Variants in TLL1 observed in about 807,000 individuals in gnomAD.
The protein encoded by TLL1 is tolloid like 1, also known as tolloid-like protein 1.
In TLL1, 49 loss-of-function variants were observed where a neutral mutation model predicts 128.2. The observed-to-expected ratio is 0.38, with a 90% confidence interval of 0.30 to 0.48. TLL1 has a LOEUF of 0.48. Ranked by LOEUF, TLL1 falls within the 20% of genes least tolerant of loss-of-function variation. The pLI, the probability that TLL1 is intolerant of heterozygous loss-of-function variation, is 0.96. For missense variants in TLL1, 1,123 were observed against 1,242.0 expected, an observed-to-expected ratio of 0.90 and a Z score of 1.44; for synonymous variants, 454 against 418.8, an observed-to-expected ratio of 1.08 and a Z score of -1.03.
At position 166,080,679 on chromosome 4, in the gene TLL1, G is replaced by A. The variant is rs192181716; in HGVS notation, c.2442+2649G>A. On this transcript the variant is annotated intron_variant, in intron 18 of 20. Transcript: ENST00000061240. The stretch of plus-strand genomic sequence containing the variant: ...ATGCATCTCTTGTGTTAGGTTATTA[G>A]TGTATTTATGTGTATGAAGGAGGGT... Among the ~76,000 whole-genome samples, 313 of 152,232 alleles carry A rather than the reference G, an allele frequency of 2.1e-3. 5 individuals are homozygous for A. The highest frequency in any genetic ancestry group is 6.9e-4 in the Non-Finnish European group (47 of 68,020).
intron 1 of TLL1, among the ~76,000 whole-genome samples, chr4:165,897,179 T>G (rs1488508760): frequency 2.6e-5 from 4 of 152,196 alleles, no homozygotes; most frequent in Non-Finnish European, 5.9e-5. Context: ...TCTCCCATTC[T>G]GTAGGTTGCC....
chr4:166,091,167 G>T lies in TLL1; in HGVS notation c.2482G>T (p.Ala828Ser). 6.2e-7 allele frequency: 1 copy of T among 1,613,030 alleles called. No individual in the cohort carries two copies. The change falls in exon 19 of 21, where the codon GCT becomes TCT. Residue 828 changes from alanine (A) to serine (S), a missense_variant. Physicochemically the swap from Ala to Ser is moderately conservative, Grantham distance 99. This residue lies in a region of TLL1 where 634 missense variants were observed against 672.4 expected (regional missense o/e 0.94). Coordinates refer to ENST00000061240, the MANE Select transcript of TLL1 (RefSeq NM_012464.5). The stretch of plus-strand genomic sequence containing the variant: ...TGAGATTGAGCAGCATCAAGAATGT[G>T]CTTATGACCACTTAGAAGTATTTGA... Reference protein sequence around the residue: ...EFEIEQHQECAYDHLEVFDGE... With the variant: ...EFEIEQHQECSYDHLEVFDGE...
At chr4:165,912,744 C>CT (rs1491232477) in intron 1 of TLL1, among the ~76,000 whole-genome samples, 1 of 152,098 alleles carries the variant, frequency 6.6e-6, no homozygotes, top group Non-Finnish European at 1.5e-5. Context: ...TGATTAGGAA[C>CT]TTTTTTATTG....
intron 1 of TLL1, among the ~76,000 whole-genome samples, chr4:165,912,625 T>G (rs1040461682): frequency 6.6e-6 from 1 of 152,254 alleles, no homozygotes; most frequent in Non-Finnish European, 1.5e-5. Context: ...CCTGCCCATG[T>G]GATAGCTTTA....
chr4:165,983,632 A>G (rs11936891), intron 1 of TLL1, among the ~76,000 whole-genome samples: 10,273 of 151,890 alleles, frequency 0.068, 965 homozygotes, highest in African/African-American at 0.21. Context: ...ATTATATTCT[A>G]TTTCCTGATT....
At chr4:166,030,956 A>G in intron 9 of TLL1, 1 of 973,962 alleles carries the variant, frequency 1.0e-6, no homozygotes, top group Middle Eastern at 5.3e-4. Flanking sequence ...AGCTTGCAAA[A>G]ATACCTTCAT....
intron 2 of TLL1, among the ~76,000 whole-genome samples, chr4:165,991,136 G>A (rs1736620588): frequency 1.3e-5 from 2 of 151,728 alleles, no homozygotes; most frequent in South Asian, 4.2e-4. Flanking sequence ...TTATTTTGAA[G>A]GCATTGATTT....
Position 166,077,788 on chromosome 4 carries a change from T to C in TLL1, c.2315-115T>C, listed in dbSNP as rs1191124275. The C allele has an allele frequency of 3.5e-6, 5 of 1,415,562 alleles. No individual in the cohort carries two copies. The African/African-American group carries it at 7.1e-5, about 20-fold the overall frequency. 87.7% of individuals were successfully genotyped at this position (1,415,562 alleles called of 1,614,324 possible). A position where few individuals can be genotyped will look rare whatever the true frequency, so the allele number is the denominator to read the frequency against. On this transcript the variant is annotated intron_variant, in intron 17 of 20. Coordinates refer to ENST00000061240, the MANE Select transcript of TLL1 (RefSeq NM_012464.5). ...TAATAACCGACACGGGAGTGAAAAT[T>C]AGCTGGTATTCAGGAAAATCTTTCA...
intron 1 of TLL1, among the ~76,000 whole-genome samples, chr4:165,966,391 A>G (rs1024338121): frequency 1.3e-5 from 2 of 152,162 alleles, no homozygotes; most frequent in African/African-American, 4.8e-5. Flanking sequence ...ATGCAGATTT[A>G]TGGGTTCTGT....
At chr4:165,902,636 A>G (rs578205673) in intron 1 of TLL1, among the ~76,000 whole-genome samples, 1 of 152,024 alleles carries the variant, frequency 6.6e-6, no homozygotes, top group Non-Finnish European at 1.5e-5. Context: ...TGAGCTGTGT[A>G]CCTCAGCTGG....
At chr4:165,984,651 A>G (rs1288576614) in intron 1 of TLL1, among the ~76,000 whole-genome samples, 1 of 151,960 alleles carries the variant, frequency 6.6e-6, no homozygotes, top group Non-Finnish European at 1.5e-5. Flanking sequence ...GCTCTTGGCT[A>G]TTGTTGAATC....
intron 1 of TLL1, among the ~76,000 whole-genome samples, chr4:165,966,276 G>T (rs1329104267): frequency 6.6e-6 from 1 of 151,852 alleles, no homozygotes; most frequent in Admixed American, 6.6e-5. Context: ...ATCACTAGAC[G>T]ATTGGAAAGC....
chr4:165,939,959 ACT>A (rs966090863), intron 1 of TLL1, among the ~76,000 whole-genome samples: 1 of 151,436 alleles, frequency 6.6e-6, no homozygotes, highest in Non-Finnish European at 1.5e-5. Context: ...GATTTTCATT[ACT>A]CTCTTTTAAA....
At chr4:166,087,630 A>G (rs189797427) in intron 18 of TLL1, among the ~76,000 whole-genome samples, 120 of 152,240 alleles carry the variant, frequency 7.9e-4, no homozygotes, top group South Asian at 1.2e-3. Context: ...TTCTGCATTA[A>G]GTGCTATCAT....
chr4:165,904,681 AT>A (rs1732165540), intron 1 of TLL1, among the ~76,000 whole-genome samples: 1 of 152,194 alleles, frequency 6.6e-6, no homozygotes, highest in Non-Finnish European at 1.5e-5. Context: ...AATAACAAAT[AT>A]TTTCTAATTT....
Position 166,074,873 on chromosome 4 carries a change from G to T in TLL1, c.2189-5G>T, listed in dbSNP as rs767518763. 1.2e-6 allele frequency: 2 copies of T among 1,613,042 alleles called. No homozygotes were observed. The highest frequency in any genetic ancestry group is 1.7e-6 in the Non-Finnish European group (2 of 1,179,322). ...ACTAGACTATGGGATTGATCTCTTT[G>T]CTAGACAAAGATGAATGCTCTAAGG... On this transcript the variant is annotated splice_polypyrimidine_tract_variant and splice_region_variant and intron_variant, in intron 16 of 20. Coordinates refer to ENST00000061240, the MANE Select transcript of TLL1 (RefSeq NM_012464.5).
At chr4:165,998,162 T>G (rs867051138) in intron 5 of TLL1, among the ~76,000 whole-genome samples, 3 of 152,220 alleles carry the variant, frequency 2.0e-5, no homozygotes, top group African/African-American at 7.2e-5. Flanking sequence ...TGGCATTTAT[T>G]TATTTTGCAA....
intron 5 of TLL1, 149 bp downstream of exon 5, chr4:165,995,327 T>C (rs1202590445): frequency 1.5e-6 from 1 of 663,674 alleles, no homozygotes; most frequent in East Asian, 2.7e-5. Context: ...TATTATATAC[T>C]AGGTATGTGT....
chr4:165,964,971 G>T (rs1268337290), intron 1 of TLL1, among the ~76,000 whole-genome samples: 1 of 151,462 alleles, frequency 6.6e-6, no homozygotes, highest in Non-Finnish European at 1.5e-5. Context: ...ATAAATAAAT[G>T]CAATAAAAAT....
Sources: allele counts gnomAD v4.1 joint callset (sites outside exome capture counted in the v4.1 genomes callset), GRCh38; gene constraint gnomAD v4.1.1; regional missense constraint gnomAD v4.1.1; transcripts MANE v1.5; gene names NCBI Gene and HGNC (gene_info 2026-07-23, HGNC 2026-07-21).